ABL1: variants seen among roughly 807,000 people sequenced by gnomAD.
The protein encoded by ABL1 is tyrosine-protein kinase ABL1.
ABL1 carries 11 observed loss-of-function variants against 94.7 expected under a neutral mutation model. That is an observed-to-expected ratio of 0.12 (90% CI 0.07 to 0.19). ABL1 has a LOEUF of 0.19. Ranked by LOEUF, ABL1 falls within the 10% of genes least tolerant of loss-of-function variation. The pLI is 1.00. For synonymous variants in ABL1, 656 were observed against 622.4 expected, an observed-to-expected ratio of 1.05 and a Z score of -0.80; for missense variants, 1,082 against 1,489.4, an observed-to-expected ratio of 0.73 and a Z score of 4.50.
At chr9:130,818,287 T>A (rs1244992635) in intron 1 of ABL1, among the ~76,000 whole-genome samples, 3 of 152,132 alleles carry the variant, frequency 2.0e-5, no homozygotes, top group African/African-American at 7.2e-5. Context: ...TTGGCCAACA[T>A]GGCGAAACCC....
intron 1 of ABL1, among the ~76,000 whole-genome samples, chr9:130,853,517 C>T (rs975169249): frequency 6.6e-6 from 1 of 151,908 alleles, no homozygotes; most frequent in Admixed American, 6.6e-5. Flanking sequence ...TGGGTTCAAG[C>T]GATTCTCCTG....
chr9:130,885,709 C>A lies in ABL1; in HGVS notation c.*26C>A. On this transcript the variant is annotated 3_prime_UTR_variant, in exon 11 of 11. Transcript: ENST00000318560. ...CAGCAGTCAGGGGTCAGGTGTCAGG[C>A]CCGTCGGAGCTGCCTGCAGCACATG... 6.3e-7 allele frequency: 1 copy of A among 1,589,742 alleles called. No individual in the cohort carries two copies. The highest frequency in any genetic ancestry group is 8.6e-7 in the Non-Finnish European group (1 of 1,167,220).
intron 1 of ABL1, among the ~76,000 whole-genome samples, chr9:130,728,799 G>C (rs1831625302): frequency 6.6e-6 from 1 of 151,890 alleles, no homozygotes; most frequent in South Asian, 2.1e-4. Flanking sequence ...TAAAGACCGT[G>C]CCTGCTAATT....
At chr9:130,828,840 G>A (rs1008320804) in intron 1 of ABL1, among the ~76,000 whole-genome samples, 5 of 152,120 alleles carry the variant, frequency 3.3e-5, no homozygotes, top group Admixed American at 1.3e-4. Context: ...GTTAGGAGAC[G>A]TTAAATGTAA....
intron 1 of ABL1, among the ~76,000 whole-genome samples, chr9:130,754,024 G>A (rs1832007843): frequency 6.6e-6 from 1 of 150,486 alleles, no homozygotes; most frequent in Non-Finnish European, 1.5e-5. Flanking sequence ...GGCCAACATG[G>A]TGAAACCCCG....
chr9:130,878,907 C>T (rs1296564726), intron 8 of ABL1, among the ~76,000 whole-genome samples: 4 of 127,400 alleles, frequency 3.1e-5, no homozygotes, highest in East Asian at 4.4e-4. Flanking sequence ...GACGGAGTTT[C>T]GCTCTTGTCG....
chr9:130,831,129 T>C (rs565858624), upstream of ABL1, among the ~76,000 whole-genome samples: 1 of 152,320 alleles, frequency 6.6e-6, no homozygotes, highest in African/African-American at 2.4e-5. Flanking sequence ...GGCATTTGCA[T>C]GTGAAATACT....
intron 1 of ABL1, among the ~76,000 whole-genome samples, chr9:130,838,062 C>T (rs1256476070): frequency 6.6e-6 from 1 of 152,180 alleles, no homozygotes; most frequent in East Asian, 1.9e-4. Flanking sequence ...TACTATGTGC[C>T]AAATACTGTT....
chr9:130,836,697 C>T (rs779632118), intron 1 of ABL1, among the ~76,000 whole-genome samples: 1 of 151,838 alleles, frequency 6.6e-6, no homozygotes, highest in Non-Finnish European at 1.5e-5. Context: ...TGGTGGTACA[C>T]GCCTGTAATC....
chr9:130,773,628 C>CTTTTT (rs57265547), intron 1 of ABL1, among the ~76,000 whole-genome samples: 1 of 108,986 alleles, frequency 9.2e-6, no homozygotes, highest in Non-Finnish European at 1.9e-5. Context: ...CTGGCTAACT[C>CTTTTT]TTTTTTTTTT....
intron 1 of ABL1, among the ~76,000 whole-genome samples, chr9:130,788,458 G>A (rs1437880671): frequency 1.3e-5 from 2 of 152,238 alleles, no homozygotes; most frequent in East Asian, 1.9e-4. Context: ...CTTCTCTTAT[G>A]TAACTATAGT....
chr9:130,884,963 A>G lies in ABL1; in HGVS notation c.2673A>G (p.Lys891=). The G allele has an allele frequency of 1.9e-6, 3 of 1,611,366 alleles. No individual in the cohort carries two copies. In the South Asian group the frequency reaches 3.3e-5, roughly 18 times the overall value. ...SSESPGRDKG[K]LSRLKPAPPP... The stretch of plus-strand genomic sequence containing the variant: ...AGTCGCCAGGGAGGGACAAGGGGAA[A>G]TTGTCCAGGCTCAAACCTGCCCCGC... Residue 891 remains lysine (K), a synonymous_variant, in exon 11 of 11, where the codon AAA becomes AAG. Transcript: ENST00000318560. This position sits in a 1 kb window ranked among gnomAD's most constrained non-coding sequence, Gnocchi z 5.6.
chr9:130,751,038 A>T (rs1831958374), intron 1 of ABL1, among the ~76,000 whole-genome samples: 1 of 151,736 alleles, frequency 6.6e-6, no homozygotes, highest in Non-Finnish European at 1.5e-5. Context: ...AACCTTTGCT[A>T]AAAACATGCA....
upstream of ABL1, among the ~76,000 whole-genome samples, chr9:130,831,214 C>G (rs1440967688): frequency 6.6e-6 from 1 of 152,144 alleles, no homozygotes; most frequent in African/African-American, 2.4e-5. Flanking sequence ...AAGGGGTCAG[C>G]CAGACCTGGG....
chr9:130,848,754 T>A (rs1349641179), intron 1 of ABL1, among the ~76,000 whole-genome samples: 1 of 151,942 alleles, frequency 6.6e-6, no homozygotes, highest in Non-Finnish European at 1.5e-5. Context: ...CTGGCCAACA[T>A]GGTGAAACCC....
At chr9:130,807,019 G>A (rs973154446) in intron 1 of ABL1, among the ~76,000 whole-genome samples, 4 of 151,784 alleles carry the variant, frequency 2.6e-5, no homozygotes, top group Non-Finnish European at 4.4e-5. Flanking sequence ...GCGTAGTGGC[G>A]GGCGCCTGTA....
intron 4 of ABL1, among the ~76,000 whole-genome samples, chr9:130,868,212 C>T (rs1164997914): frequency 6.6e-6 from 1 of 152,144 alleles, no homozygotes; most frequent in African/African-American, 2.4e-5. Flanking sequence ...CCCTCCTCGG[C>T]CTCCCAAAGT....
chr9:130,812,798 A>G (rs1830226796), intron 1 of ABL1, among the ~76,000 whole-genome samples: 1 of 152,252 alleles, frequency 6.6e-6, no homozygotes, highest in Non-Finnish European at 1.5e-5. Context: ...GGACAATATA[A>G]TCAACTGACT....
At chr9:130,881,487 C>T (rs763633118) in intron 10 of ABL1, among the ~76,000 whole-genome samples, 1 of 152,128 alleles carries the variant, frequency 6.6e-6, no homozygotes, top group Non-Finnish European at 1.5e-5. Context: ...TCTTACTTGG[C>T]GGCAGGCAAG....
Sources: allele counts gnomAD v4.1 joint callset (sites outside exome capture counted in the v4.1 genomes callset), GRCh38; gene constraint gnomAD v4.1.1; non-coding constraint Gnocchi (gnomAD v3.1); transcripts MANE v1.5; gene names NCBI Gene and HGNC (gene_info 2026-07-23, HGNC 2026-07-21).